Variants in ATP8A2 observed in about 807,000 individuals in gnomAD.
The protein encoded by ATP8A2 is phospholipid-transporting ATPase IB.
Under a neutral mutation model 165.6 loss-of-function variants are expected in ATP8A2, and 100 were observed. The observed-to-expected ratio is 0.60, with a 90% CI of 0.51 to 0.71. The LOEUF is 0.71. ATP8A2 is among the 30% of genes least tolerant of loss of function. The pLI, the probability that ATP8A2 is intolerant of heterozygous loss-of-function variation, is 0.00. For missense variants in ATP8A2, 1,227 were observed against 1,479.5 expected, an observed-to-expected ratio of 0.83 and a Z score of 2.80; for synonymous variants, 543 against 548.8, an observed-to-expected ratio of 0.99 and a Z score of 0.15.
chr13:25,827,303 G>T (rs1951347990), intron 27 of ATP8A2, among the ~76,000 whole-genome samples: 1 of 152,014 alleles, frequency 6.6e-6, no homozygotes, highest in Admixed American at 6.6e-5. Flanking sequence ...GTAGAGATGG[G>T]GTTTCACCAC....
chr13:25,945,916 C>T (rs1057090411), intron 33 of ATP8A2, among the ~76,000 whole-genome samples: 2 of 151,868 alleles, frequency 1.3e-5, no homozygotes, highest in African/African-American at 4.8e-5. Context: ...TGTTTGGGGT[C>T]GGGGAGGAGT....
chr13:25,521,693 T>C (rs1279007627), intron 2 of ATP8A2, among the ~76,000 whole-genome samples: 1 of 152,128 alleles, frequency 6.6e-6, no homozygotes, highest in Non-Finnish European at 1.5e-5. Flanking sequence ...AATGCATGGC[T>C]TTATATCTGG....
At chr13:25,692,834 G>T (rs1029298872) in intron 24 of ATP8A2, among the ~76,000 whole-genome samples, 1 of 152,226 alleles carries the variant, frequency 6.6e-6, no homozygotes, top group Admixed American at 6.5e-5. Flanking sequence ...GAAAAAGGTA[G>T]GGGACAGTCG....
rs1200966511 is a variant in ATP8A2, at chr13:25,953,544, AAAG to A, written c.3184-8030_3184-8028del. 4.6e-3 allele frequency among the ~76,000 whole-genome samples: 560 copies of A among 122,974 alleles called. 3 individuals carry two copies. Among genetic ancestry groups the A allele is most frequent in the African/African-American group, 0.016 (443 of 27,704 alleles). The allele number at this position is 122,974 out of a possible 152,430, so 80.7% of individuals were successfully genotyped here. ...TTTTAAAAAAAAAAAAAAAAAAAAA[AAAG>A]CAAGGGAAATAGGCAAGACGGCCAA... On this transcript the variant is annotated intron_variant, in intron 33 of 36. Coordinates refer to ENST00000381655, the MANE Select transcript of ATP8A2 (RefSeq NM_016529.6). This position sits in a 1 kb window ranked among gnomAD's most constrained non-coding sequence, Gnocchi z 6.7.
intron 2 of ATP8A2, among the ~76,000 whole-genome samples, chr13:25,479,212 T>G (rs922725761): frequency 6.6e-6 from 1 of 152,224 alleles, no homozygotes; most frequent in Non-Finnish European, 1.5e-5. Flanking sequence ...GTGCTATCAT[T>G]GTTAGTTATT....
intron 24 of ATP8A2, among the ~76,000 whole-genome samples, chr13:25,646,535 A>C (rs2137600949): frequency 6.6e-6 from 1 of 151,722 alleles, no homozygotes; most frequent in African/African-American, 2.4e-5. Context: ...GGGCGCCTGT[A>C]ATCCCAGCTG....
chr13:25,377,580 A>AT (rs1279681235), intron 1 of ATP8A2, among the ~76,000 whole-genome samples: 1 of 152,210 alleles, frequency 6.6e-6, no homozygotes, highest in South Asian at 2.1e-4. Flanking sequence ...CGGGTGGATC[A>AT]TATGAGGTCA....
At chr13:25,450,593 G>C (rs2147488) in intron 1 of ATP8A2, among the ~76,000 whole-genome samples, 7 of 151,512 alleles carry the variant, frequency 4.6e-5, no homozygotes, top group African/African-American at 7.3e-5. Context: ...GTGCAGTGGT[G>C]TGATCTCGGC....
chr13:25,921,864 G>A (rs1320689468), intron 33 of ATP8A2, among the ~76,000 whole-genome samples: 3 of 152,162 alleles, frequency 2.0e-5, no homozygotes, highest in Non-Finnish European at 4.4e-5. Context: ...TATTAATATA[G>A]TTCTAAACCA....
At chr13:25,883,969 G>A (rs1953060414) in intron 33 of ATP8A2, among the ~76,000 whole-genome samples, 1 of 152,166 alleles carries the variant, frequency 6.6e-6, no homozygotes, top group Admixed American at 6.5e-5. Flanking sequence ...AGGAGTATGG[G>A]TCTCTGGTTA....
At chr13:25,625,307 G>A (rs1458656857) in intron 24 of ATP8A2, among the ~76,000 whole-genome samples, 1 of 152,180 alleles carries the variant, frequency 6.6e-6, no homozygotes, top group Non-Finnish European at 1.5e-5. Flanking sequence ...AAAGCATTAA[G>A]CATTTAGAAA....
intron 17 of ATP8A2, 80 bp from the exon 18 acceptor site, chr13:25,571,530 G>A (rs1360130913): frequency 9.3e-7 from 1 of 1,072,372 alleles, no homozygotes; most frequent in Non-Finnish European, 1.4e-6. Flanking sequence ...AGCGGATTTT[G>A]TTAATTTGAA....
At chr13:25,532,224 CAT>C in intron 4 of ATP8A2, 46 bp from the exon 5 acceptor site, 2 of 1,441,200 alleles carry the variant, frequency 1.4e-6, no homozygotes, top group Non-Finnish European at 1.9e-6. Context: ...TTCAATTATT[CAT>C]GTGGAACTTT....
chr13:25,586,379 G>A (rs2039922331), intron 23 of ATP8A2, among the ~76,000 whole-genome samples: 1 of 152,154 alleles, frequency 6.6e-6, no homozygotes, highest in African/African-American at 2.4e-5. Flanking sequence ...GCCGTGAGGT[G>A]AGGTTGAGGG....
At chr13:25,704,824 G>T (rs1355057784) in intron 25 of ATP8A2, among the ~76,000 whole-genome samples, 3 of 152,136 alleles carry the variant, frequency 2.0e-5, no homozygotes, top group African/African-American at 7.2e-5. Flanking sequence ...TGTTGTCTGT[G>T]GTCTCAGCTA....
At position 25,395,323 on chromosome 13, in the gene ATP8A2, T is replaced by A. The variant is rs528583047; in HGVS notation, c.76+23035T>A. Among the ~76,000 whole-genome samples the A allele has an allele frequency of 8.7e-4, 132 of 152,100 alleles. 1 individual carries two copies. The highest frequency in any genetic ancestry group is 2.4e-3 in the African/African-American group (98 of 41,500). ...GGCCTGAGGGGGCTTCTGTCTTTTT[T>A]AAAAATGCCTTGAGACTCTGCTTGT... On this transcript the variant is annotated intron_variant, in intron 1 of 36. Transcript: ENST00000381655.
rs1043972222 is a variant in ATP8A2 at position 26,025,024 on chromosome 13, G to A, written c.*5039G>A. The A allele has an allele frequency of 6.7e-6, 1 of 148,344 alleles. No individual in the cohort carries two copies. The highest frequency in any genetic ancestry group is 6.9e-5 in the Admixed American group (1 of 14,526). 9.2% of individuals were successfully genotyped at this position (148,344 alleles called of 1,614,324 possible). On this transcript the variant is annotated 3_prime_UTR_variant, in exon 37 of 37. Transcript: ENST00000381655. ...GGAGAGAGCCCAGAGAGCAGGCTGCGAACTCACTTCCAATGGGATTGGAGT... is the reference window on the plus strand; with the variant it reads ...GGAGAGAGCCCAGAGAGCAGGCTGCAAACTCACTTCCAATGGGATTGGAGT...
At chr13:25,718,257 G>A (rs1462937878) in intron 25 of ATP8A2, among the ~76,000 whole-genome samples, 8 of 152,122 alleles carry the variant, frequency 5.3e-5, no homozygotes, top group African/African-American at 1.7e-4. Flanking sequence ...ACAGATTTAC[G>A]TAAGTTCCTT....
intron 1 of ATP8A2, among the ~76,000 whole-genome samples, chr13:25,396,824 G>A (rs912110310): frequency 4.6e-5 from 7 of 152,170 alleles, no homozygotes; most frequent in African/African-American, 1.7e-4. Context: ...TAAAAACTTT[G>A]CCAATATATG....
Sources: gnomAD v4.1 joint callset for allele counts (sites outside exome capture counted in the v4.1 genomes callset) on GRCh38, gnomAD v4.1.1 for gene constraint, Gnocchi (gnomAD v3.1) non-coding constraint, MANE v1.5 for transcripts, NCBI Gene and HGNC (gene_info 2026-07-23, HGNC 2026-07-21) for gene names.